The following ZC3H12C variants were observed in gnomAD, a reference collection of about 807,000 sequenced individuals.
The protein encoded by ZC3H12C is zinc finger CCCH-type containing 12C.
Under a neutral mutation model 76.3 loss-of-function variants are expected in ZC3H12C, and 20 were observed. The ratio of observed to expected loss-of-function variants is 0.26; its 90% CI spans 0.18 to 0.38. The LOEUF (loss-of-function observed/expected upper bound fraction) is 0.38. ZC3H12C is among the 10% of genes least tolerant of loss of function. The pLI, the probability that ZC3H12C is intolerant of heterozygous loss-of-function variation, is 1.00. For synonymous variants in ZC3H12C, 352 were observed against 399.6 expected, an observed-to-expected ratio of 0.88 and a Z score of 1.42; for missense variants, 874 against 1,086.5, an observed-to-expected ratio of 0.80 and a Z score of 2.75.
chr11:110,117,827 C>CAT (rs1555017722), intron 1 of ZC3H12C, among the ~76,000 whole-genome samples: 10,155 of 53,670 alleles, frequency 0.19, 2,570 homozygotes, highest in East Asian at 0.42. Flanking sequence ...TACACACACA[C>CAT]ATATAATATA....
At chr11:110,146,758 T>C (rs79551722) in intron 2 of ZC3H12C, among the ~76,000 whole-genome samples, 2,079 of 152,268 alleles carry the variant, frequency 0.014, 44 homozygotes, top group African/African-American at 0.047. Context: ...CATTTTTTTT[T>C]CCAAAACTGG....
At chr11:110,156,295 T>C (rs1398050830) in intron 3 of ZC3H12C, among the ~76,000 whole-genome samples, 1 of 152,226 alleles carries the variant, frequency 6.6e-6, no homozygotes, top group Non-Finnish European at 1.5e-5. Flanking sequence ...GAAATATTTT[T>C]AAGTTGTCAG....
At chr11:110,121,905 G>A (rs928460514) in intron 1 of ZC3H12C, among the ~76,000 whole-genome samples, 2 of 151,994 alleles carry the variant, frequency 1.3e-5, no homozygotes, top group Non-Finnish European at 2.9e-5. Flanking sequence ...TACAAGCATG[G>A]TAATATGTTG....
intron 1 of ZC3H12C, among the ~76,000 whole-genome samples, chr11:110,093,924 C>T (rs1172354642): frequency 6.6e-6 from 1 of 152,118 alleles, no homozygotes; most frequent in Non-Finnish European, 1.5e-5. Flanking sequence ...CCATCCAGAT[C>T]GCCAGCAACC....
At chr11:110,145,142 G>A (rs1198468836) in intron 2 of ZC3H12C, among the ~76,000 whole-genome samples, 1 of 152,062 alleles carries the variant, frequency 6.6e-6, no homozygotes, top group South Asian at 2.1e-4. Flanking sequence ...ATTGTAGGTG[G>A]CTAATATAGT....
chr11:110,137,061 T>C lies in ZC3H12C; in HGVS notation c.420T>C (p.Phe140=), dbSNP rs1169062172. The C allele has an allele frequency of 6.2e-7, 1 of 1,613,842 alleles. No individual in the cohort carries two copies. The highest frequency in any genetic ancestry group is 2.2e-5 in the East Asian group (1 of 44,890). The change falls in exon 2 of 6, where the codon TTT becomes TTC. Residue 140 remains phenylalanine, a synonymous_variant. Coordinates refer to ENST00000278590, the MANE Select transcript of ZC3H12C (RefSeq NM_033390.2). The part of the protein sequence containing the change: ...ILKRNEILQD[F]KPEESQTTSK... ...AGCGCAATGAAATTTTGCAAGACTT[T>C]AAACCTGAAGAGTCCCAGACTACAT...
Position 110,170,726 on chromosome 11 carries a change from C to T in ZC3H12C, c.*4989C>T, listed in dbSNP as rs1252802620. 7 of 152,144 alleles carry T rather than the reference C, an allele frequency of 4.6e-5. No individual in the cohort carries two copies. Among genetic ancestry groups the T allele is most frequent in the East Asian group, 1.9e-4 (1 of 5,200 alleles). The allele number at this position is 152,144 out of a possible 1,614,324, so 9.4% of individuals were successfully genotyped here. On this transcript the variant is annotated 3_prime_UTR_variant, in exon 6 of 6. Coordinates refer to ENST00000278590, the MANE Select transcript of ZC3H12C (RefSeq NM_033390.2). ...CATGTTTATTCACAGTGCTTTATAC[C>T]GGGTGTTGCATCAGTAATCATTTTC...
intron 2 of ZC3H12C, among the ~76,000 whole-genome samples, chr11:110,138,933 T>C (rs1380164766): frequency 1.3e-5 from 2 of 152,240 alleles, no homozygotes; most frequent in African/African-American, 4.8e-5. Context: ...AGAATAGCCA[T>C]ATTTCAGGTG....
chr11:110,144,068 G>T (rs1239359406), intron 2 of ZC3H12C, among the ~76,000 whole-genome samples: 1 of 151,804 alleles, frequency 6.6e-6, no homozygotes, highest in Non-Finnish European at 1.5e-5. Flanking sequence ...ATCAGTGCAT[G>T]TCCTTTTGAA....
rs546105427 is a variant in ZC3H12C at position 110,160,661 on chromosome 11, C to T, written c.1148+1171C>T. 2.3e-4 allele frequency among the ~76,000 whole-genome samples: 35 copies of T among 152,298 alleles called. No individual in the cohort carries two copies. In the South Asian group the frequency reaches 3.1e-3, roughly 14 times the overall value. The stretch of plus-strand genomic sequence containing the variant: ...TCCAGGGGCAGTACTATGCGTGGAG[C>T]TGTCATCTCCTATGGTAACGATGCC... On this transcript the variant is annotated intron_variant, in intron 4 of 5. Transcript: ENST00000278590.
chr11:110,112,427 G>A (rs1275261712), intron 1 of ZC3H12C, among the ~76,000 whole-genome samples: 1 of 152,216 alleles, frequency 6.6e-6, no homozygotes, highest in African/African-American at 2.4e-5. Context: ...CTGGGCTCAA[G>A]CAGTCTTCCT....
rs1862561020 is a variant in ZC3H12C at position 110,165,368 on chromosome 11, T to A, written c.2283T>A (p.Pro761=). Residue 761 remains proline, a synonymous_variant, in exon 6 of 6, where the codon CCT becomes CCA. Coordinates refer to ENST00000278590, the MANE Select transcript of ZC3H12C (RefSeq NM_033390.2). ...ISDSRLYDSS[P]SRQRKPYSRQ... ...ACTCTCGACTTTATGACAGTTCTCCTTCACGACAAAGAAAGCCTTATTCCC... is the reference window on the plus strand; with the variant it reads ...ACTCTCGACTTTATGACAGTTCTCCATCACGACAAAGAAAGCCTTATTCCC... The A allele has an allele frequency of 2.5e-6, 4 of 1,614,016 alleles. No homozygotes were observed. Among genetic ancestry groups the A allele is most frequent in the Non-Finnish European group, 3.4e-6 (4 of 1,179,886 alleles).
intron 1 of ZC3H12C, among the ~76,000 whole-genome samples, chr11:110,121,606 T>C (rs1371339161): frequency 2.0e-5 from 3 of 152,192 alleles, no homozygotes; most frequent in Admixed American, 6.5e-5. Flanking sequence ...GTTCCTTTTT[T>C]TTTTCTAGCC....
chr11:110,138,290 C>T (rs529634089), intron 2 of ZC3H12C, among the ~76,000 whole-genome samples: 96 of 152,172 alleles, frequency 6.3e-4, no homozygotes, highest in Non-Finnish European at 8.7e-4. Flanking sequence ...GTTTCATATG[C>T]AGTTTCTCAG....
intron 4 of ZC3H12C, among the ~76,000 whole-genome samples, chr11:110,161,204 A>C (rs1435696598): frequency 6.6e-6 from 1 of 152,178 alleles, no homozygotes; most frequent in African/African-American, 2.4e-5. Flanking sequence ...CTACACTTTT[A>C]TACGACTGGG....
Position 110,169,610 on chromosome 11 carries a change from C to G in ZC3H12C, c.*3873C>G, listed in dbSNP as rs1862640916. The G allele has an allele frequency of 6.6e-6, 1 of 152,088 alleles. No individual in the cohort carries two copies. The highest frequency in any genetic ancestry group is 1.5e-5 in the Non-Finnish European group (1 of 67,998). 9.4% of individuals were successfully genotyped at this position (152,088 alleles called of 1,614,324 possible). Reference sequence around the variant, plus strand: ...CAAACAGATTCTGGCTGGACATATGCTTATGTTCCAAATATATTAAAGATG... The same window carrying G: ...CAAACAGATTCTGGCTGGACATATGGTTATGTTCCAAATATATTAAAGATG... On this transcript the variant is annotated 3_prime_UTR_variant, in exon 6 of 6. Transcript: ENST00000278590.
intron 2 of ZC3H12C, among the ~76,000 whole-genome samples, chr11:110,146,742 T>C (rs758360802): frequency 2.9e-4 from 44 of 152,358 alleles, no homozygotes; most frequent in Non-Finnish European, 5.6e-4. Context: ...TGTCTTTATC[T>C]TTCTACATTT....
rs1446728501 is a variant in ZC3H12C at position 110,143,480 on chromosome 11, T to C, written c.773+6066T>C. On this transcript the variant is annotated intron_variant, in intron 2 of 5. Coordinates refer to ENST00000278590, the MANE Select transcript of ZC3H12C (RefSeq NM_033390.2). Reference sequence around the variant, plus strand: ...ATTAATTCACCAAATATTTGAAGAGTACCTGGACTTTATATTAATAATTTA... The same window carrying C: ...ATTAATTCACCAAATATTTGAAGAGCACCTGGACTTTATATTAATAATTTA... Among the ~76,000 whole-genome samples, 5 of 151,750 alleles carry C rather than the reference T, an allele frequency of 3.3e-5. No homozygotes were observed. In the East Asian group the frequency reaches 9.7e-4, roughly 29 times the overall value.
At chr11:110,097,401 G>A (rs1193562894) in intron 1 of ZC3H12C, among the ~76,000 whole-genome samples, 1 of 152,072 alleles carries the variant, frequency 6.6e-6, no homozygotes, top group Admixed American at 6.6e-5. Context: ...TGCTTACCTG[G>A]AACATTTTAA....
Sources: allele counts gnomAD v4.1 joint callset (sites outside exome capture counted in the v4.1 genomes callset), GRCh38; gene constraint gnomAD v4.1.1; transcripts MANE v1.5; gene names NCBI Gene and HGNC (gene_info 2026-07-23, HGNC 2026-07-21).